The following CD55 variants were observed in gnomAD, a reference collection of about 807,000 sequenced individuals.
CD55 encodes CD55 molecule (Cromer blood group).
Under a neutral mutation model 45.8 loss-of-function variants are expected in CD55, and 41 were observed. That is an observed-to-expected ratio of 0.90 (90% confidence interval 0.70 to 1.16). The LOEUF is 1.16. Ranked by LOEUF, CD55 falls within the 50% of genes most tolerant of loss-of-function variation. The probability of loss-of-function intolerance (pLI) is 0.00; values close to 1 mark genes in which losing one functional copy is unlikely to be tolerated. For synonymous variants in CD55, 181 were observed against 181.1 expected (o/e 1.00, Z 0.01); for missense variants, 416 against 469.8 (o/e 0.89, Z 1.06).
rs1173713584 is a variant in CD55 at position 207,360,426 on chromosome 1, A to T, written c.*816A>T. ...TGAACATTCTGATTTTACATGTAAA[A>T]CAAGAAAAGTTGAAGAAGATATGTG... On this transcript the variant is annotated 3_prime_UTR_variant, in exon 10 of 10. Transcript: ENST00000367064. The T allele has an allele frequency of 6.6e-6, 1 of 152,212 alleles. No homozygotes were observed. The highest frequency in any genetic ancestry group is 1.5e-5 in the Non-Finnish European group (1 of 68,020). 9.4% of individuals were successfully genotyped at this position (152,212 alleles called of 1,614,324 possible).
chr1:207,346,305 G>A (rs1449080869), intron 9 of CD55, among the ~76,000 whole-genome samples: 1 of 152,210 alleles, frequency 6.6e-6, no homozygotes, highest in Non-Finnish European at 1.5e-5. Flanking sequence ...GCTGCTATTG[G>A]TGGTGGACTG....
chr1:207,359,595 G>A lies in CD55; in HGVS notation c.1131G>A (p.Met377Ile), dbSNP rs780806649. Residue 377 changes from methionine (M) to isoleucine (I), a missense_variant, in exon 10 of 10, where the codon ATG becomes ATA. Coordinates refer to ENST00000367064, the MANE Select transcript of CD55 (RefSeq NM_000574.5). ...GTTTGCTTGGGACGCTAGTAACCATGGGCTTGCTGACTTAGCCAAAGAAGA... is the reference window on the plus strand; with the variant it reads ...GTTTGCTTGGGACGCTAGTAACCATAGGCTTGCTGACTTAGCCAAAGAAGA... ...LTGLLGTLVT[M>I]GLLT The A allele has an allele frequency of 1.1e-5, 18 of 1,591,156 alleles. No individual in the cohort carries two copies. In the South Asian group the frequency reaches 1.1e-4, roughly 10 times the overall value.
rs1434708737 is a variant in CD55 at position 207,336,695 on chromosome 1, A to G, written c.856A>G (p.Lys286Glu). 1.2e-6 allele frequency: 2 copies of G among 1,612,990 alleles called. No homozygotes were observed. The highest frequency in any genetic ancestry group is 1.7e-5 in the Admixed American group (1 of 59,738). ...TTTCTCAACCTTTTCTTTCACAGGAAAATCTCTAACTTCCAAGGTCCCACC... is the reference window on the plus strand; with the variant it reads ...TTTCTCAACCTTTTCTTTCACAGGAGAATCTCTAACTTCCAAGGTCCCACC... Reference protein sequence around the residue: ...WSGPPPECRGKSLTSKVPPTV... With the variant: ...WSGPPPECRGESLTSKVPPTV... The change falls in exon 7 of 10, where the codon AAA (lysine) becomes GAA (glutamate). Residue 286 changes from lysine to glutamate, a missense_variant and splice_region_variant. Coordinates refer to ENST00000367064, the MANE Select transcript of CD55 (RefSeq NM_000574.5).
At chr1:207,354,468 A>G (rs1656004613) in intron 9 of CD55, among the ~76,000 whole-genome samples, 1 of 152,232 alleles carries the variant, frequency 6.6e-6, no homozygotes, top group South Asian at 2.1e-4. Flanking sequence ...ATACAGTTCT[A>G]CATGATGGGG....
chr1:207,343,620 A>G (rs1001069920), intron 9 of CD55, among the ~76,000 whole-genome samples: 1 of 152,140 alleles, frequency 6.6e-6, no homozygotes, highest in Admixed American at 6.5e-5. Flanking sequence ...AGATTGTTTC[A>G]TGTGCCATTG....
chr1:207,331,288 A>C lies in CD55; in HGVS notation c.845A>C (p.Glu282Ala). The change falls in exon 6 of 10, where the codon GAA (glutamate) becomes GCA (alanine). Residue 282 changes from glutamate (E) to alanine (A), a missense_variant. This residue lies in a region of CD55 where 182 missense variants were observed against 201.4 expected (regional missense o/e 0.90). Coordinates refer to ENST00000367064, the MANE Select transcript of CD55 (RefSeq NM_000574.5). ...DEGEWSGPPP[E>A]CRGKSLTSKV... ...GGAGAGTGGAGTGGCCCACCACCTG[A>C]ATGCAGAGGTAATCACTTTGGATAG... 3 of 1,612,750 alleles carry C rather than the reference A, an allele frequency of 1.9e-6. No individual in the cohort carries two copies. Among genetic ancestry groups the C allele is most frequent in the Non-Finnish European group, 2.5e-6 (3 of 1,178,912 alleles).
In CD55 at chr1:207,336,776, T is replaced by C. The variant is rs1440982388; in HGVS notation, c.937T>C (p.Ser313Pro). The C allele has an allele frequency of 6.2e-7, 1 of 1,613,726 alleles. No individual in the cohort carries two copies. Among genetic ancestry groups the C allele is most frequent in the Non-Finnish European group, 8.5e-7 (1 of 1,179,832 alleles). Residue 313 changes from serine (S) to proline (P), a missense_variant, in exon 7 of 10, where the codon TCT (serine) becomes CCT (proline). By Grantham distance (74) the Ser-to-Pro change is moderately conservative. Transcript: ENST00000367064. ...NVPTTEVSPT[S>P]QKTTTKTTTP... ...TCCAACTACAGAAGTCTCACCAACTTCTCAGAAAACCACCACAAAAACCAC... is the reference window on the plus strand; with the variant it reads ...TCCAACTACAGAAGTCTCACCAACTCCTCAGAAAACCACCACAAAAACCAC...
chr1:207,334,523 A>G (rs531490969), intron 6 of CD55, among the ~76,000 whole-genome samples: 5 of 152,290 alleles, frequency 3.3e-5, no homozygotes, highest in South Asian at 4.1e-4. Flanking sequence ...TGAATTATAC[A>G]TAGAATACAA....
intron 9 of CD55, chr1:207,353,929 G>T: frequency 7.5e-7 from 1 of 1,330,076 alleles, no homozygotes; most frequent in Non-Finnish European, 1.0e-6. Context: ...GTTACATTAA[G>T]TATGATATAA....
rs28371651 is a variant in CD55, at chr1:207,357,931, T to C, written c.1082-1615T>C. Reference sequence around the variant, plus strand: ...CAACGAATAATCAATTAGAACAATTTATTGTAGCAAAAGTTATGTGAATGG... The same window carrying C: ...CAACGAATAATCAATTAGAACAATTCATTGTAGCAAAAGTTATGTGAATGG... On this transcript the variant is annotated intron_variant, in intron 9 of 9. Transcript: ENST00000367064. Among the ~76,000 whole-genome samples, 750 of 152,300 alleles carry C rather than the reference T, an allele frequency of 4.9e-3. 5 individuals are homozygous for C. The highest frequency in any genetic ancestry group is 0.017 in the African/African-American group (724 of 41,552).
rs1655995253 is a variant in CD55 at position 207,354,163 on chromosome 1, T to A, written c.1082-5383T>A. The A allele has an allele frequency of 2.8e-6, 4 of 1,436,454 alleles. No homozygotes were observed. In the South Asian group the frequency reaches 4.3e-5, roughly 15 times the overall value. 89.0% of individuals were successfully genotyped at this position (1,436,454 alleles called of 1,614,324 possible). On this transcript the variant is annotated intron_variant, in intron 9 of 9. Transcript: ENST00000367064. The stretch of plus-strand genomic sequence containing the variant: ...GAAGATGATACCCTATATATTAATG[T>A]AGTATCTGTCTAATGTAAATTTTGT...
Position 207,336,701 on chromosome 1 carries a change from C to CT in CD55, c.863dup (p.Thr289AsnfsTer54), listed in dbSNP as rs755317052. On this transcript the variant is annotated frameshift_variant, in exon 7 of 10. Transcript: ENST00000367064. LOFTEE classifies it high-confidence loss of function. ...AACCTTTTCTTTCACAGGAAAATCT[C>CT]TAACTTCCAAGGTCCCACCAACAGT... 6 of 1,613,144 alleles carry CT rather than the reference C, an allele frequency of 3.7e-6. No homozygotes were observed. In the African/African-American group the frequency reaches 5.3e-5, roughly 14 times the overall value.
At chr1:207,347,886 T>A (rs1303830571) in intron 9 of CD55, among the ~76,000 whole-genome samples, 1 of 152,224 alleles carries the variant, frequency 6.6e-6, no homozygotes, top group Non-Finnish European at 1.5e-5. Context: ...TCCAGCTGCA[T>A]CCATATTACT....
chr1:207,337,174 T>C (rs1655216715), intron 7 of CD55, 155 bp from the exon 8 acceptor site: 1 of 628,098 alleles, frequency 1.6e-6, no homozygotes, highest in Non-Finnish European at 2.8e-6. Flanking sequence ...CAAATGCTTC[T>C]GCTACACAGG....
intron 2 of CD55, among the ~76,000 whole-genome samples, chr1:207,324,066 A>G (rs1654555009): frequency 6.6e-6 from 1 of 152,144 alleles, no homozygotes; most frequent in Admixed American, 6.5e-5. Flanking sequence ...CAATCTGTTT[A>G]CAGGTGTAAA....
intron 2 of CD55, among the ~76,000 whole-genome samples, chr1:207,323,962 A>G (rs28371600): frequency 6.6e-6 from 1 of 152,184 alleles, no homozygotes; most frequent in Non-Finnish European, 1.5e-5. Context: ...TACAAATCCA[A>G]TGATGACCCT....
At chr1:207,325,762 G>A (rs1654654246) in intron 4 of CD55, 41 bp downstream of exon 4, 1 of 1,191,776 alleles carries the variant, frequency 8.4e-7, no homozygotes, top group South Asian at 1.3e-5. Flanking sequence ...TAGGAAATGA[G>A]AAAACAAATT....
At chr1:207,357,426 TCTTGTA>T (rs1656118275) in intron 9 of CD55, among the ~76,000 whole-genome samples, 1 of 152,298 alleles carries the variant, frequency 6.6e-6, no homozygotes, top group East Asian at 1.9e-4. Flanking sequence ...TTACGTACTT[TCTTGTA>T]CTTGTTCCAA....
intron 9 of CD55, among the ~76,000 whole-genome samples, chr1:207,349,822 T>G (rs1271901118): frequency 6.6e-6 from 1 of 152,192 alleles, no homozygotes; most frequent in Non-Finnish European, 1.5e-5. Context: ...AGAGATAGTT[T>G]ACTTCCTCTC....
Sources: gnomAD v4.1 joint callset for allele counts (sites outside exome capture counted in the v4.1 genomes callset) on GRCh38, gnomAD v4.1.1 for gene constraint, gnomAD v4.1.1 regional missense constraint, MANE v1.5 for transcripts, NCBI Gene and HGNC (gene_info 2026-07-23, HGNC 2026-07-21) for gene names.